Variants in MCPH1 observed in about 807,000 individuals in gnomAD.
MCPH1 encodes the protein microcephalin 1.
A neutral mutation model predicts 84.5 loss-of-function variants in MCPH1; 104 were observed. The observed-to-expected ratio is 1.23, with a 90% CI of 1.05 to 1.45. The LOEUF is 1.45. Ranked by LOEUF, MCPH1 falls within the 40% of genes most tolerant of loss-of-function variation. The pLI is 0.00. For missense variants in MCPH1, 1,498 were observed against 1,005.7 expected (o/e 1.49, Z -6.62); for synonymous variants, 514 against 366.8 (o/e 1.40, Z -4.58).
intron 12 of MCPH1, chr8:6,521,474 A>T (rs1248321283): frequency 8.7e-7 from 1 of 1,150,096 alleles, no homozygotes; most frequent in African/African-American, 1.6e-5. Context: ...ATATTTATTG[A>T]ATTTCTACTT....
intron 12 of MCPH1, among the ~76,000 whole-genome samples, chr8:6,604,659 C>G (rs745974659): frequency 3.3e-5 from 5 of 152,252 alleles, no homozygotes; most frequent in Non-Finnish European, 5.9e-5. Flanking sequence ...TGCGTGCCAC[C>G]ACGCCTGGCT....
Position 6,439,049 on chromosome 8 carries a change from A to G in MCPH1, c.533A>G (p.Lys178Arg). 1 of 1,613,386 alleles carries G rather than the reference A, an allele frequency of 6.2e-7. No individual in the cohort carries two copies. The highest frequency in any genetic ancestry group is 8.5e-7 in the Non-Finnish European group (1 of 1,179,612). ...AGTAGGCACCACAGCGCAATGGAGA[A>G]GAGATTACAAGAGATGAAGGAGAAA... ...INSRHHSAME[K>R]RLQEMKEKRE... The change falls in exon 6 of 14, where the codon AAG becomes AGG. Residue 178 changes from lysine to arginine, a missense_variant. By Grantham distance (26) the Lys-to-Arg change is conservative. Transcript: ENST00000344683.
intron 12 of MCPH1, among the ~76,000 whole-genome samples, chr8:6,570,132 TTGTC>T (rs1449683804): frequency 2.0e-5 from 3 of 152,228 alleles, no homozygotes; most frequent in Non-Finnish European, 2.9e-5. Flanking sequence ...CTTTTCTGCT[TTGTC>T]TGGTTTAATT....
At chr8:6,423,782 G>C (rs1339566777) in intron 3 of MCPH1, among the ~76,000 whole-genome samples, 1 of 152,176 alleles carries the variant, frequency 6.6e-6, no homozygotes, top group African/African-American at 2.4e-5. Context: ...CTTCTGGAAG[G>C]AGTGTACTGG....
rs1803967327 is a variant in MCPH1 at position 6,444,463 on chromosome 8, G to A, written c.741G>A (p.Gln247=). The A allele has an allele frequency of 1.2e-6, 2 of 1,614,160 alleles. No individual in the cohort carries two copies. Among genetic ancestry groups the A allele is most frequent in the Non-Finnish European group, 8.5e-7 (1 of 1,180,024 alleles). The change falls in exon 8 of 14, where the codon CAG becomes CAA. Residue 247 remains glutamine, a synonymous_variant. Coordinates refer to ENST00000344683, the MANE Select transcript of MCPH1 (RefSeq NM_024596.5). The part of the protein sequence containing the change: ...DLCGNSGCGN[Q]ERKLEGSIND... Reference sequence around the variant, plus strand: ...GTGGAAACTCAGGATGTGGAAATCAGGAAAGGAAGTTGGAAGGATCCATTA... The same window carrying A: ...GTGGAAACTCAGGATGTGGAAATCAAGAAAGGAAGTTGGAAGGATCCATTA...
chr8:6,622,340 C>G, intron 13 of MCPH1: 1 of 157,148 alleles, frequency 6.4e-6, no homozygotes, highest in Non-Finnish European at 1.4e-5. Context: ...TGCTAACACA[C>G]GGGCTCCAGG....
At chr8:6,522,015 C>CTA (rs1817439346) in intron 12 of MCPH1, among the ~76,000 whole-genome samples, 1 of 152,188 alleles carries the variant, frequency 6.6e-6, no homozygotes, top group African/African-American at 2.4e-5. Flanking sequence ...AATTAGGATA[C>CTA]TATCACCTAG....
chr8:6,643,473 C>T lies in MCPH1; in HGVS notation c.*424C>T, dbSNP rs958690601. ...AGAGACAGGGTTTCGCCATGTTGGC[C>T]AGGCTGGTCTCAAACGCCTGAGCTC... On this transcript the variant is annotated 3_prime_UTR_variant, in exon 14 of 14. Transcript: ENST00000344683. The T allele has an allele frequency of 4.3e-5, 10 of 234,554 alleles. 1 individual carries two copies. The highest frequency in any genetic ancestry group is 2.1e-4 in the African/African-American group (9 of 43,340). The allele number at this position is 234,554 out of a possible 1,614,324, so 14.5% of individuals were successfully genotyped here. A position where few individuals can be genotyped will look rare whatever the true frequency, so the allele number is the denominator to read the frequency against.
intron 13 of MCPH1, chr8:6,626,412 G>A (rs1377415001): frequency 2.0e-6 from 2 of 983,380 alleles, no homozygotes; most frequent in African/African-American, 3.5e-5. Context: ...CTTGGGCCAA[G>A]ATTCTTGATG....
chr8:6,570,591 G>GT, intron 12 of MCPH1, among the ~76,000 whole-genome samples: 1 of 152,284 alleles, frequency 6.6e-6, no homozygotes, highest in South Asian at 2.1e-4. Flanking sequence ...TTGCAGCTGT[G>GT]TAACTTCTGT....
chr8:6,528,491 CT>C (rs138863557), intron 12 of MCPH1, among the ~76,000 whole-genome samples: 2,041 of 152,268 alleles, frequency 0.013, 15 homozygotes, highest in Non-Finnish European at 0.019. Flanking sequence ...CTTGTTTAGA[CT>C]TTTATTTCTT....
chr8:6,556,199 G>A (rs1177308455), intron 12 of MCPH1, among the ~76,000 whole-genome samples: 2 of 151,850 alleles, frequency 1.3e-5, no homozygotes, highest in African/African-American at 4.8e-5. Flanking sequence ...TTTAAAATAT[G>A]TACTATATAA....
chr8:6,414,751 CA>C lies in MCPH1; in HGVS notation c.115-13del. 1 of 1,612,618 alleles carries C rather than the reference CA, an allele frequency of 6.2e-7. No homozygotes were observed. Among genetic ancestry groups the C allele is most frequent in the Non-Finnish European group, 8.5e-7 (1 of 1,179,248 alleles). ...ACAGTAATGTACATTTTGTTTTCTG[CA>C]TTTTGTCTACAGGTTTCAAAAACTT... On this transcript the variant is annotated splice_polypyrimidine_tract_variant and intron_variant, in intron 2 of 13. Coordinates refer to ENST00000344683, the MANE Select transcript of MCPH1 (RefSeq NM_024596.5).
chr8:6,511,858 A>C (rs1473256694), intron 12 of MCPH1, among the ~76,000 whole-genome samples: 1 of 151,800 alleles, frequency 6.6e-6, no homozygotes, highest in South Asian at 2.1e-4. Context: ...TTTTGTAAAA[A>C]TCTTTTTATA....
In MCPH1 at chr8:6,567,164, C is replaced by T. The variant is rs13271951; in HGVS notation, c.2215-54290C>T. 1.0e-3 allele frequency among the ~76,000 whole-genome samples: 24 copies of T among 23,284 alleles called. 1 individual carries two copies. In the South Asian group the frequency reaches 0.023, roughly 22 times the overall value. The allele number at this position is 23,284 out of a possible 152,430, so 15.3% of individuals were successfully genotyped here. A position where few individuals can be genotyped will look rare whatever the true frequency, so the allele number is the denominator to read the frequency against. ...GCAAGGCCATGGATAGTGCCCGTGGCGTGGTGTCCATGTATGATCAGCAAG... is the reference window on the plus strand; with the variant it reads ...GCAAGGCCATGGATAGTGCCCGTGGTGTGGTGTCCATGTATGATCAGCAAG... On this transcript the variant is annotated intron_variant, in intron 12 of 13. Transcript: ENST00000344683.
chr8:6,619,974 G>A (rs1831240921), intron 12 of MCPH1, among the ~76,000 whole-genome samples: 1 of 152,190 alleles, frequency 6.6e-6, no homozygotes, highest in African/African-American at 2.4e-5. Context: ...ATGCAGCTTG[G>A]CCCCGTGATG....
rs115521614 is a variant in MCPH1 at position 6,440,249 on chromosome 8, T to C, written c.580+1153T>C. ...TATGGTTTGGTTGTTCTTGTTTTTT[T>C]GTTAAGCCATTTTCCTTTCTCTAGA... On this transcript the variant is annotated intron_variant, in intron 6 of 13. Transcript: ENST00000344683. Among the ~76,000 whole-genome samples, 480 of 152,338 alleles carry C rather than the reference T, an allele frequency of 3.2e-3. 4 individuals carry two copies. The highest frequency in any genetic ancestry group is 0.011 in the African/African-American group (458 of 41,570).
At chr8:6,464,915 C>G (rs182248586) in intron 9 of MCPH1, among the ~76,000 whole-genome samples, 19 of 152,082 alleles carry the variant, frequency 1.2e-4, no homozygotes, top group African/African-American at 2.9e-4. Flanking sequence ...AGGACAATCA[C>G]TTGAACCCAG....
At position 6,436,062 on chromosome 8, in the gene MCPH1, G is replaced by T. The variant is rs760327858; in HGVS notation, c.336G>T (p.Gln112His). 1 of 1,613,674 alleles carries T rather than the reference G, an allele frequency of 6.2e-7. No individual in the cohort carries two copies. The highest frequency in any genetic ancestry group is 1.1e-5 in the South Asian group (1 of 91,000). Residue 112 changes from glutamine to histidine, a missense_variant, in exon 5 of 14, where the codon CAG (glutamine) becomes CAT (histidine). Transcript: ENST00000344683. ...TTTTTGCACAGCGTAAATGTATGCA[G>T]CCCAAAGATTTTAATTTTAAAACAC... ...SLIKKKRKCM[Q>H]PKDFNFKTPE...
Sources: allele counts gnomAD v4.1 joint callset (sites outside exome capture counted in the v4.1 genomes callset), GRCh38; gene constraint gnomAD v4.1.1; transcripts MANE v1.5; gene names NCBI Gene and HGNC (gene_info 2026-07-23, HGNC 2026-07-21).